Variants in ZNF730 observed in about 807,000 individuals in gnomAD.
The protein encoded by ZNF730 is putative zinc finger protein 730.
In ZNF730, 12 loss-of-function variants were observed where a neutral mutation model predicts 12.6. That is an observed-to-expected ratio of 0.95 (90% CI 0.61 to 1.54). ZNF730 has a LOEUF of 1.54. Ranked by LOEUF, ZNF730 falls within the 40% of genes most tolerant of loss-of-function variation. ZNF730 has a pLI of 0.00. For missense variants in ZNF730, 643 were observed against 583.5 expected (o/e 1.10, Z -1.05); for synonymous variants, 194 against 195.8 (o/e 0.99, Z 0.08).
At chr19:23,108,532 T>C (rs908198940) in intron 1 of ZNF730, among the ~76,000 whole-genome samples, 1 of 147,534 alleles carries the variant, frequency 6.8e-6, no homozygotes, top group African/African-American at 2.5e-5. Flanking sequence ...TGTACTCAAA[T>C]ACTTTGCTAA....
At chr19:23,128,078 G>A in intron 1 of ZNF730, 1 of 788,006 alleles carries the variant, frequency 1.3e-6, no homozygotes, top group South Asian at 1.3e-5. Context: ...AGCACTGATG[G>A]TCAGCCAAGT....
At chr19:23,130,339 G>A (rs929305592) in intron 1 of ZNF730, among the ~76,000 whole-genome samples, 3 of 152,124 alleles carry the variant, frequency 2.0e-5, no homozygotes, top group African/African-American at 4.8e-5. Flanking sequence ...TGCCATGATT[G>A]TGAGGCCTCC....
intron 1 of ZNF730, among the ~76,000 whole-genome samples, chr19:23,096,410 T>C (rs1302560721): frequency 1.3e-5 from 2 of 151,940 alleles, no homozygotes; most frequent in Non-Finnish European, 2.9e-5. Context: ...CCCCCACCCA[T>C]AGGGGTATTA....
At chr19:23,085,863 T>TTTTTTTA (rs1970055462) in intron 1 of ZNF730, among the ~76,000 whole-genome samples, 1 of 103,774 alleles carries the variant, frequency 9.6e-6, no homozygotes, top group African/African-American at 4.0e-5. Context: ...TTTTTTTTTT[T>TTTTTTTA]GAGATGGAGT....
intron 1 of ZNF730, among the ~76,000 whole-genome samples, chr19:23,090,926 G>A (rs924813089): frequency 2.6e-5 from 4 of 152,030 alleles, no homozygotes; most frequent in African/African-American, 9.7e-5. Flanking sequence ...GAACCCAGGA[G>A]GCGGTGGAGG....
At chr19:23,092,147 A>G (rs1970170510) in intron 1 of ZNF730, among the ~76,000 whole-genome samples, 1 of 151,728 alleles carries the variant, frequency 6.6e-6, no homozygotes, top group African/African-American at 2.4e-5. Context: ...CTTCTTTCTC[A>G]TTTTCTCTTG....
At chr19:23,105,661 A>G (rs768434656) in intron 1 of ZNF730, among the ~76,000 whole-genome samples, 1 of 152,200 alleles carries the variant, frequency 6.6e-6, no homozygotes, top group Non-Finnish European at 1.5e-5. Flanking sequence ...TTATATATAC[A>G]TTTATCATAT....
At chr19:23,142,148 A>AT (rs527853972) in intron 3 of ZNF730, among the ~76,000 whole-genome samples, 67 of 151,934 alleles carry the variant, frequency 4.4e-4, no homozygotes, top group African/African-American at 1.6e-3. Flanking sequence ...TTGAGGTCCT[A>AT]TTTTGTCTCT....
chr19:23,131,243 A>AT (rs1392185111), intron 1 of ZNF730, among the ~76,000 whole-genome samples: 1 of 152,146 alleles, frequency 6.6e-6, no homozygotes, highest in Non-Finnish European at 1.5e-5. Flanking sequence ...TATTCTACAC[A>AT]TTTTTTTAAA....
At chr19:23,076,761 T>G (rs1969869550) in intron 1 of ZNF730, among the ~76,000 whole-genome samples, 1 of 152,202 alleles carries the variant, frequency 6.6e-6, no homozygotes, top group Non-Finnish European at 1.5e-5. Context: ...TCAGTTCACC[T>G]ATTGTCGACA....
At chr19:23,132,926 T>C (rs1168462604) in intron 1 of ZNF730, among the ~76,000 whole-genome samples, 4 of 152,194 alleles carry the variant, frequency 2.6e-5, no homozygotes, top group African/African-American at 9.7e-5. Context: ...TTCTTTGTAG[T>C]TAAATTCAGG....
chr19:23,146,542 AC>A lies in ZNF730; in HGVS notation c.1499del (p.Thr500LysfsTer25), dbSNP rs1217388874. 7 of 1,581,478 alleles carry A rather than the reference AC, an allele frequency of 4.4e-6. No individual in the cohort carries two copies. Among genetic ancestry groups the A allele is most frequent in the Non-Finnish European group, 6.0e-6 (7 of 1,166,870 alleles). The part of the protein sequence containing the change: ...RRFSHLTRHK[T>X]IHT ...GTTCTCACACCTTACTAGGCATAAGACAATTCATACATAAAATTGTAAAGAC... is the reference window on the plus strand; with the variant it reads ...GTTCTCACACCTTACTAGGCATAAGAAATTCATACATAAAATTGTAAAGAC... On this transcript the variant is annotated frameshift_variant, in exon 4 of 4. Coordinates refer to ENST00000597761, the MANE Select transcript of ZNF730 (RefSeq NM_001277403.2). LOFTEE classifies it high-confidence loss of function.
chr19:23,102,164 A>C (rs1032125094), intron 1 of ZNF730, among the ~76,000 whole-genome samples: 1 of 152,100 alleles, frequency 6.6e-6, no homozygotes, highest in Non-Finnish European at 1.5e-5. Context: ...GTGACTTATC[A>C]CTAGGCCCAG....
In ZNF730 at chr19:23,075,525, G is replaced by T. The variant is rs907605520; in HGVS notation, c.-94+138G>T. The T allele has an allele frequency of 5.3e-5, 8 of 152,378 alleles. No individual in the cohort carries two copies. In the East Asian group the frequency reaches 5.8e-4, roughly 11 times the overall value. 9.4% of individuals were successfully genotyped at this position (152,378 alleles called of 1,614,324 possible). A position where few individuals can be genotyped will look rare whatever the true frequency, so the allele number is the denominator to read the frequency against. On this transcript the variant is annotated intron_variant, in intron 1 of 2. Transcript: ENST00000593635. ...AGCTCGGCCCCAGGCGTCTCTGGCC[G>T]CAAGATGGCGGCTGGGCCCGCGGCC...
At chr19:23,136,788 T>C (rs1418098739) in intron 3 of ZNF730, among the ~76,000 whole-genome samples, 1 of 152,142 alleles carries the variant, frequency 6.6e-6, no homozygotes, top group Non-Finnish European at 1.5e-5. Flanking sequence ...TATTGTAGTT[T>C]CATGTAAATT....
intron 1 of ZNF730, among the ~76,000 whole-genome samples, chr19:23,077,105 T>C (rs374670998): frequency 6.6e-6 from 1 of 152,098 alleles, no homozygotes; most frequent in Non-Finnish European, 1.5e-5. Context: ...AAATACCACA[T>C]ATTCTCACTT....
chr19:23,081,521 T>TGC (rs1969966423), intron 1 of ZNF730, among the ~76,000 whole-genome samples: 2 of 152,104 alleles, frequency 1.3e-5, no homozygotes, highest in African/African-American at 4.8e-5. Context: ...GGTTTCACCA[T>TGC]GTTGGCCAGG....
chr19:23,127,466 A>T, intron 1 of ZNF730: 1 of 1,102,318 alleles, frequency 9.1e-7, no homozygotes, highest in African/African-American at 1.6e-5. Context: ...TCCTTCTCCA[A>T]GCTTCTGTAC....
chr19:23,082,752 A>G (rs1246365549), intron 1 of ZNF730, among the ~76,000 whole-genome samples: 4 of 151,638 alleles, frequency 2.6e-5, no homozygotes, highest in Non-Finnish European at 5.9e-5. Context: ...CCCAGGCTGG[A>G]GTGCAATGGC....
Sources: gnomAD v4.1 joint callset for allele counts (sites outside exome capture counted in the v4.1 genomes callset) on GRCh38, gnomAD v4.1.1 for gene constraint, MANE v1.5 for transcripts, NCBI Gene and HGNC (gene_info 2026-07-23, HGNC 2026-07-21) for gene names.